The following CSMD1 variants were observed in gnomAD, a reference collection of about 807,000 sequenced individuals.
CSMD1 encodes CUB and sushi domain-containing protein 1.
Under a neutral mutation model 417.5 loss-of-function variants are expected in CSMD1, and 213 were observed. The ratio of observed to expected loss-of-function variants is 0.51; its 90% CI spans 0.46 to 0.57. The LOEUF (loss-of-function observed/expected upper bound fraction) is 0.57, where lower values mean the gene tolerates loss of function less well. Ranked by LOEUF, CSMD1 falls within the 20% of genes least tolerant of loss-of-function variation. The pLI, the probability that CSMD1 is intolerant of heterozygous loss-of-function variation, is 0.00. For synonymous variants in CSMD1, 2,862 were observed against 1,736.8 expected (o/e 1.65, Z -16.11); for missense variants, 6,923 against 4,529.7 (o/e 1.53, Z -15.17).
chr8:4,430,217 A>G (rs1442097006), intron 2 of CSMD1, among the ~76,000 whole-genome samples: 3 of 152,174 alleles, frequency 2.0e-5, no homozygotes, highest in African/African-American at 7.2e-5. Context: ...GTTAGGCCCC[A>G]GCTTTCTCAT....
intron 12 of CSMD1, among the ~76,000 whole-genome samples, chr8:3,419,302 C>T (rs567065261): frequency 9.2e-5 from 14 of 152,266 alleles, no homozygotes; most frequent in African/African-American, 3.4e-4. Flanking sequence ...TCACTGTAAA[C>T]TTCAAAAATA....
intron 4 of CSMD1, among the ~76,000 whole-genome samples, chr8:4,011,897 A>ATT (rs1249835616): frequency 6.6e-6 from 1 of 152,108 alleles, no homozygotes; most frequent in African/African-American, 2.4e-5. Context: ...ATAAAATGGA[A>ATT]TTTTATTTGC....
chr8:3,634,694 G>C (rs188998150), intron 7 of CSMD1, among the ~76,000 whole-genome samples: 2 of 139,068 alleles, frequency 1.4e-5, no homozygotes, highest in Non-Finnish European at 2.9e-5. Flanking sequence ...AATGAAAGGT[G>C]TGATTAGAAC....
intron 5 of CSMD1, among the ~76,000 whole-genome samples, chr8:3,972,057 G>T (rs533359925): frequency 2.0e-5 from 3 of 151,958 alleles, no homozygotes; most frequent in Admixed American, 2.0e-4. Context: ...TTTTCATAGA[G>T]ACAGGGGCTC....
rs1427057913 is a variant in CSMD1, at chr8:3,909,382, G to A, written c.818+88521C>T. On this transcript the variant is annotated intron_variant, in intron 5 of 69. Coordinates refer to ENST00000635120, the MANE Select transcript of CSMD1 (RefSeq NM_033225.6). ...ACTCACATTCGTCAGGAGGAACCCA[G>A]ACCAAATCTACAGGAAAAATGAGCT... is the stretch of plus-strand genomic sequence containing the variant. 4.6e-5 allele frequency among the ~76,000 whole-genome samples: 7 copies of A among 152,206 alleles called. No individual in the cohort carries two copies. The East Asian group carries it at 9.7e-4, about 21-fold the overall frequency.
chr8:3,764,319 C>T (rs1798156365), intron 5 of CSMD1, among the ~76,000 whole-genome samples: 1 of 152,178 alleles, frequency 6.6e-6, no homozygotes, highest in Admixed American at 6.5e-5. Context: ...GGAAACTCTC[C>T]TGAGTGTACT....
chr8:3,997,038 CCT>C (rs1434715465), intron 5 of CSMD1, among the ~76,000 whole-genome samples: 2 of 152,164 alleles, frequency 1.3e-5, no homozygotes, highest in Admixed American at 1.3e-4. Flanking sequence ...GCCAACATTT[CCT>C]CTGTGTCTAC....
chr8:4,601,404 G>T (rs543654708), intron 2 of CSMD1, among the ~76,000 whole-genome samples: 1 of 152,140 alleles, frequency 6.6e-6, no homozygotes, highest in Non-Finnish European at 1.5e-5. Context: ...CTTGCATTAG[G>T]ATAGTTCTTC....
At chr8:3,136,869 T>C (rs544120582) in intron 41 of CSMD1, among the ~76,000 whole-genome samples, 14 of 152,342 alleles carry the variant, frequency 9.2e-5, no homozygotes, top group African/African-American at 3.4e-4. Context: ...TGTGCCAGTA[T>C]CTGCAGTGAC....
chr8:3,535,200 T>C (rs1177639661), intron 10 of CSMD1, among the ~76,000 whole-genome samples: 1 of 152,114 alleles, frequency 6.6e-6, no homozygotes, highest in Non-Finnish European at 1.5e-5. Context: ...ATGATCCTTC[T>C]GTTTCAGCCT....
chr8:4,024,969 G>C (rs531984225), intron 4 of CSMD1, among the ~76,000 whole-genome samples: 4 of 152,328 alleles, frequency 2.6e-5, no homozygotes, highest in African/African-American at 9.6e-5. Flanking sequence ...AAGTACGATT[G>C]GCCTGGGCTA....
At chr8:3,242,396 T>C (rs1431048332) in intron 26 of CSMD1, among the ~76,000 whole-genome samples, 1 of 151,332 alleles carries the variant, frequency 6.6e-6, no homozygotes, top group Non-Finnish European at 1.5e-5. Context: ...AGAAGGAAGA[T>C]TTGGGATGAG....
intron 5 of CSMD1, among the ~76,000 whole-genome samples, chr8:3,928,466 T>C (rs1484473143): frequency 1.3e-5 from 2 of 152,196 alleles, no homozygotes; most frequent in Non-Finnish European, 2.9e-5. Flanking sequence ...TTCAATCTTT[T>C]TGTAGAAATA....
At chr8:4,080,287 C>G (rs540288420) in intron 3 of CSMD1, among the ~76,000 whole-genome samples, 2 of 152,118 alleles carry the variant, frequency 1.3e-5, no homozygotes, top group African/African-American at 4.8e-5. Context: ...GTGCACACCA[C>G]GGTTACAGTG....
At chr8:3,446,754 C>A (rs1459837444) in intron 12 of CSMD1, among the ~76,000 whole-genome samples, 1 of 152,190 alleles carries the variant, frequency 6.6e-6, no homozygotes, top group Admixed American at 6.5e-5. Context: ...ATGAGGTTAT[C>A]TAGACTTCGG....
chr8:2,988,730 T>C (rs1000637304), intron 54 of CSMD1, among the ~76,000 whole-genome samples: 1 of 152,234 alleles, frequency 6.6e-6, no homozygotes, highest in Non-Finnish European at 1.5e-5. Context: ...TATGCAAAGA[T>C]AGTGTTACTG....
intron 1 of CSMD1, among the ~76,000 whole-genome samples, chr8:4,664,039 C>T (rs943005418): frequency 6.6e-6 from 1 of 152,130 alleles, no homozygotes; most frequent in Non-Finnish European, 1.5e-5. Flanking sequence ...ATGAAGCTAC[C>T]TCATGAAATC....
At chr8:4,277,503 C>G (rs73189904) in intron 3 of CSMD1, among the ~76,000 whole-genome samples, 1 of 152,088 alleles carries the variant, frequency 6.6e-6, no homozygotes, top group Non-Finnish European at 1.5e-5. Flanking sequence ...TCATTGTTTC[C>G]TGGTGCCATG....
At chr8:3,201,021 G>C (rs539368234) in intron 32 of CSMD1, among the ~76,000 whole-genome samples, 1 of 152,304 alleles carries the variant, frequency 6.6e-6, no homozygotes, top group South Asian at 2.1e-4. Context: ...TCAGAACTCA[G>C]AGTAAGGGCA....
Sources: allele counts gnomAD v4.1 joint callset (sites outside exome capture counted in the v4.1 genomes callset), GRCh38; gene constraint gnomAD v4.1.1; transcripts MANE v1.5; gene names NCBI Gene and HGNC (gene_info 2026-07-23, HGNC 2026-07-21).